The following HMGB1 variants were observed in gnomAD, a reference collection of about 807,000 sequenced individuals.
The protein encoded by HMGB1 is high mobility group box 1, also known as high mobility group protein B1.
For synonymous variants in HMGB1, 81 were observed against 84.0 expected, an observed-to-expected ratio of 0.96 and a Z score of 0.19; for missense variants, 79 against 253.5, an observed-to-expected ratio of 0.31 and a Z score of 4.67.
intron 1 of HMGB1, among the ~76,000 whole-genome samples, chr13:30,593,820 T>C (rs977321690): frequency 2.0e-5 from 3 of 151,910 alleles, no homozygotes; most frequent in Non-Finnish European, 4.4e-5. Flanking sequence ...TGGGGAGAGG[T>C]CTTTATTCTT....
chr13:30,602,356 G>C (rs1282274084), intron 1 of HMGB1, among the ~76,000 whole-genome samples: 1 of 152,186 alleles, frequency 6.6e-6, no homozygotes, highest in African/African-American at 2.4e-5. Flanking sequence ...GGTGAGACCA[G>C]AGGAAACTTC....
intron 1 of HMGB1, among the ~76,000 whole-genome samples, chr13:30,615,936 C>T (rs546014551): frequency 3.9e-5 from 6 of 152,324 alleles, no homozygotes; most frequent in African/African-American, 1.2e-4. Flanking sequence ...AAATTTCTGT[C>T]CCACACTGCT....
At chr13:30,617,554 C>G (rs1439052775) in exon 1 of HMGB1, 1 of 152,254 alleles carries the variant, frequency 6.6e-6, no homozygotes, top group Non-Finnish European at 1.5e-5. Flanking sequence ...GGAACAGCGA[C>G]GCGCAAGCAG....
Position 30,480,198 on chromosome 13 carries a change from C to G in HMGB1, c.-14-16504G>C, listed in dbSNP as rs146732036. ...CAGAAATCATAGAAGTTCATAAACT[C>G]CTTCAAAATGTATTGCCTTGTGTGG... On this transcript the variant is annotated intron_variant, in intron 1 of 4. Transcript: ENST00000405805. Among the ~76,000 whole-genome samples the G allele has an allele frequency of 2.6e-5, 4 of 152,336 alleles. No individual in the cohort carries two copies. The East Asian group carries it at 7.7e-4, about 29-fold the overall frequency.
intron 1 of HMGB1, among the ~76,000 whole-genome samples, chr13:30,570,531 C>T (rs1355598744): frequency 6.6e-6 from 1 of 152,220 alleles, no homozygotes; most frequent in East Asian, 1.9e-4. Context: ...CATCCACACG[C>T]TGACACATAG....
chr13:30,494,123 C>T (rs1365767784), intron 1 of HMGB1, among the ~76,000 whole-genome samples: 1 of 152,154 alleles, frequency 6.6e-6, no homozygotes, highest in African/African-American at 2.4e-5. Context: ...TCAAACTTCA[C>T]ATTTCTCCAA....
At chr13:30,566,238 G>A (rs1870177633) in intron 1 of HMGB1, among the ~76,000 whole-genome samples, 1 of 152,188 alleles carries the variant, frequency 6.6e-6, no homozygotes, top group East Asian at 1.9e-4. Flanking sequence ...AAGGGGACAC[G>A]CTCAAGTTCT....
chr13:30,564,289 A>T (rs1450265115), intron 1 of HMGB1, among the ~76,000 whole-genome samples: 1 of 151,712 alleles, frequency 6.6e-6, no homozygotes, highest in Non-Finnish European at 1.5e-5. Context: ...AAAAAAAAAA[A>T]AAAAAAAAAA....
At chr13:30,523,465 T>C (rs1342212362) in intron 1 of HMGB1, among the ~76,000 whole-genome samples, 1 of 152,156 alleles carries the variant, frequency 6.6e-6, no homozygotes. Flanking sequence ...TAAAATCTTA[T>C]TGGAGTTACA....
chr13:30,498,826 T>C (rs1887671839), intron 1 of HMGB1, among the ~76,000 whole-genome samples: 1 of 151,814 alleles, frequency 6.6e-6, no homozygotes, highest in Admixed American at 6.6e-5. Flanking sequence ...TTCTGTATTT[T>C]TAGTAGAGAC....
At chr13:30,603,006 T>C (rs1030151313) in intron 1 of HMGB1, among the ~76,000 whole-genome samples, 58 of 152,280 alleles carry the variant, frequency 3.8e-4, no homozygotes, top group African/African-American at 1.3e-3. Context: ...AGGTTTTGCC[T>C]TATTGCCCCA....
chr13:30,582,455 G>A (rs1184085881), intron 1 of HMGB1, among the ~76,000 whole-genome samples: 3 of 151,920 alleles, frequency 2.0e-5, no homozygotes, highest in Admixed American at 6.6e-5. Flanking sequence ...TGGCTGACAC[G>A]GTGAAACCCC....
At chr13:30,501,625 G>T (rs1887738185) in intron 1 of HMGB1, among the ~76,000 whole-genome samples, 1 of 152,096 alleles carries the variant, frequency 6.6e-6, no homozygotes, top group African/African-American at 2.4e-5. Context: ...GTTGATTGTT[G>T]TAAATAATCA....
intron 1 of HMGB1, among the ~76,000 whole-genome samples, chr13:30,583,863 GAA>G (rs1411313551): frequency 6.8e-6 from 1 of 147,850 alleles, no homozygotes; most frequent in Non-Finnish European, 1.5e-5. Flanking sequence ...AAGAAAGAAA[GAA>G]AGAAGAAATC....
chr13:30,608,712 A>G (rs1340724352), intron 1 of HMGB1, among the ~76,000 whole-genome samples: 2 of 152,210 alleles, frequency 1.3e-5, no homozygotes, highest in Non-Finnish European at 2.9e-5. Flanking sequence ...GAAAAACTCG[A>G]ATTTTAAATC....
At chr13:30,472,853 C>CT (rs11434170) in intron 1 of HMGB1, among the ~76,000 whole-genome samples, 41,290 of 144,532 alleles carry the variant, frequency 0.29, 7,170 homozygotes, top group East Asian at 0.57. Context: ...ATACTGAAAA[C>CT]TTTTTTTTTT....
Position 30,456,940 on chromosome 13 carries a change from T to C in HMGB1, c.*4417A>G. The stretch of plus-strand genomic sequence containing the variant: ...CAAAAAATAGGAAACAATCTAAATG[T>C]CCATCAGTAAGGGAATGATGAAAAA... On this transcript the variant is annotated 3_prime_UTR_variant, in exon 5 of 5. Coordinates refer to ENST00000341423, the MANE Select transcript of HMGB1 (RefSeq NM_002128.7). 1 of 151,864 alleles carries C rather than the reference T, an allele frequency of 6.6e-6. No individual in the cohort carries two copies. Among genetic ancestry groups the C allele is most frequent in the East Asian group, 1.9e-4 (1 of 5,194 alleles). The allele number at this position is 151,864 out of a possible 1,614,324, so 9.4% of individuals were successfully genotyped here. A position where few individuals can be genotyped will look rare whatever the true frequency, so the allele number is the denominator to read the frequency against.
rs541424535 is a variant in HMGB1, at chr13:30,544,759, G to C, written c.-15+71912C>G. 7.9e-5 allele frequency among the ~76,000 whole-genome samples: 12 copies of C among 152,332 alleles called. No homozygotes were observed. In the South Asian group the frequency reaches 2.5e-3, roughly 32 times the overall value. On this transcript the variant is annotated intron_variant, in intron 1 of 4. Transcript: ENST00000405805. ...GCTCTGTCAAATCAATCGAACCTGA[G>C]GAGAAGGAGGTGGGAACGCCTGATT...
At chr13:30,464,478 C>A in intron 1 of HMGB1, 1 of 985,102 alleles carries the variant, frequency 1.0e-6, no homozygotes, top group African/African-American at 1.7e-5. Flanking sequence ...GCGAGCCCCC[C>A]GCCCCTAGAA....
Sources: allele counts gnomAD v4.1 joint callset (sites outside exome capture counted in the v4.1 genomes callset), GRCh38; gene constraint gnomAD v4.1.1; transcripts MANE v1.5; gene names NCBI Gene and HGNC (gene_info 2026-07-23, HGNC 2026-07-21).